Variants in PXDNL observed in about 807,000 individuals in gnomAD.
PXDNL encodes the protein probable oxidoreductase PXDNL.
A neutral mutation model predicts 150.8 loss-of-function variants in PXDNL; 145 were observed. The ratio of observed to expected loss-of-function variants is 0.96; its 90% CI spans 0.84 to 1.10. The LOEUF is 1.10. PXDNL is among the 50% of genes least tolerant of loss of function. The pLI is 0.00. For missense variants in PXDNL, 2,087 were observed against 1,873.9 expected (o/e 1.11, Z -2.10); for synonymous variants, 757 against 725.7 (o/e 1.04, Z -0.69).
At chr8:51,685,997 G>A (rs1360433705) in intron 1 of PXDNL, among the ~76,000 whole-genome samples, 1 of 152,170 alleles carries the variant, frequency 6.6e-6, no homozygotes, top group East Asian at 1.9e-4. Flanking sequence ...AATTTCAGAA[G>A]TTCTTCCCAT....
intron 1 of PXDNL, among the ~76,000 whole-genome samples, chr8:51,773,730 G>T (rs1035905558): frequency 6.6e-6 from 1 of 152,178 alleles, no homozygotes; most frequent in Admixed American, 6.5e-5. Flanking sequence ...TTAACATTCT[G>T]CTAAGAAACA....
intron 1 of PXDNL, among the ~76,000 whole-genome samples, chr8:51,765,784 A>G (rs1472624147): frequency 1.3e-5 from 2 of 150,762 alleles, no homozygotes; most frequent in Admixed American, 6.6e-5. Flanking sequence ...CTATTTCTCC[A>G]TTACTGCCTA....
In PXDNL at chr8:51,320,845, C is replaced by A; in HGVS notation, c.4199G>T (p.Gly1400Val). The A allele has an allele frequency of 6.2e-7, 1 of 1,613,978 alleles. No individual in the cohort carries two copies. The highest frequency in any genetic ancestry group is 8.5e-7 in the Non-Finnish European group (1 of 1,179,864). The change falls in exon 22 of 23, where the codon GGG becomes GTG. Residue 1400 changes from glycine (G) to valine (V), a missense_variant. Physicochemically the swap from Gly to Val is moderately radical, Grantham distance 109. Transcript: ENST00000356297. Reference protein sequence around the residue: ...LRQAGCTDVRGVPRKAEERWM... With the variant: ...LRQAGCTDVRVVPRKAEERWM... ...GCGCTCCTCGGCCTTCCTTGGAACC[C>A]CTCTAACATCTGTACACCCTGCCTG...
intron 1 of PXDNL, among the ~76,000 whole-genome samples, chr8:51,681,644 G>A (rs1240731172): frequency 6.6e-6 from 1 of 152,210 alleles, no homozygotes; most frequent in African/African-American, 2.4e-5. Flanking sequence ...CCAGCATATG[G>A]CCACGGACAA....
intron 4 of PXDNL, among the ~76,000 whole-genome samples, chr8:51,555,333 C>A (rs950536008): frequency 2.0e-5 from 3 of 152,164 alleles, no homozygotes; most frequent in African/African-American, 7.2e-5. Context: ...TTAATCTATT[C>A]ATTACCTTTC....
chr8:51,440,326 A>G (rs1037988887), intron 12 of PXDNL, among the ~76,000 whole-genome samples: 4 of 152,106 alleles, frequency 2.6e-5, no homozygotes, highest in Non-Finnish European at 4.4e-5. Flanking sequence ...ATTGGGTACA[A>G]TGTACACTGC....
At chr8:51,625,602 G>C (rs1585629618) in intron 2 of PXDNL, among the ~76,000 whole-genome samples, 1 of 152,116 alleles carries the variant, frequency 6.6e-6, no homozygotes, top group East Asian at 1.9e-4. Flanking sequence ...TGGTCTGGAG[G>C]GATAGCAGGA....
intron 4 of PXDNL, among the ~76,000 whole-genome samples, chr8:51,525,174 A>G (rs1485335119): frequency 6.6e-6 from 1 of 152,248 alleles, no homozygotes; most frequent in Non-Finnish European, 1.5e-5. Flanking sequence ...CACAACAGGA[A>G]AAGTGCAGGA....
At chr8:51,590,994 C>T (rs1171587331) in intron 3 of PXDNL, among the ~76,000 whole-genome samples, 1 of 152,146 alleles carries the variant, frequency 6.6e-6, no homozygotes, top group Non-Finnish European at 1.5e-5. Context: ...ATTTAATTGT[C>T]ACTGTGATGG....
intron 19 of PXDNL, among the ~76,000 whole-genome samples, chr8:51,359,534 T>C (rs1249906366): frequency 1.3e-5 from 2 of 148,674 alleles, no homozygotes; most frequent in African/African-American, 4.9e-5. Flanking sequence ...GTAGACCTAA[T>C]GCTCAAATAA....
At chr8:51,738,512 C>A (rs1221185688) in intron 1 of PXDNL, among the ~76,000 whole-genome samples, 1 of 152,008 alleles carries the variant, frequency 6.6e-6, no homozygotes, top group African/African-American at 2.4e-5. Context: ...CTTTCTAGGG[C>A]CTCCTCTTTA....
At chr8:51,439,899 C>G (rs925794338) in intron 12 of PXDNL, among the ~76,000 whole-genome samples, 2 of 151,556 alleles carry the variant, frequency 1.3e-5, no homozygotes, top group Non-Finnish European at 2.9e-5. Flanking sequence ...GATATTTACC[C>G]AGAGGAAAAG....
At chr8:51,655,777 G>A (rs1354842101) in intron 1 of PXDNL, among the ~76,000 whole-genome samples, 2 of 152,156 alleles carry the variant, frequency 1.3e-5, no homozygotes, top group Non-Finnish European at 2.9e-5. Context: ...GGGGTTCAGA[G>A]CTCTAAGGAA....
intron 2 of PXDNL, among the ~76,000 whole-genome samples, chr8:51,631,594 A>G (rs944345527): frequency 3.9e-5 from 6 of 152,190 alleles, no homozygotes; most frequent in Non-Finnish European, 8.8e-5. Context: ...CAGAGAAGTG[A>G]AAATATCCAG....
At chr8:51,333,610 C>T (rs1277245721) in intron 21 of PXDNL, among the ~76,000 whole-genome samples, 1 of 152,098 alleles carries the variant, frequency 6.6e-6, no homozygotes, top group South Asian at 2.1e-4. Context: ...AGACTCACCT[C>T]ACACATAAGG....
intron 17 of PXDNL, among the ~76,000 whole-genome samples, chr8:51,379,525 GT>G (rs1039739320): frequency 2.8e-4 from 42 of 149,830 alleles, no homozygotes; most frequent in East Asian, 9.8e-4. Context: ...TTTTAATTGG[GT>G]TTTTTTTTCT....
chr8:51,468,098 G>C (rs1256154186), intron 8 of PXDNL, among the ~76,000 whole-genome samples: 1 of 151,962 alleles, frequency 6.6e-6, no homozygotes, highest in African/African-American at 2.4e-5. Flanking sequence ...GATCAATCTT[G>C]ATAAGTGTTC....
At chr8:51,780,197 G>A (rs1469591451) in intron 1 of PXDNL, among the ~76,000 whole-genome samples, 1 of 151,812 alleles carries the variant, frequency 6.6e-6, no homozygotes, top group East Asian at 1.9e-4. Flanking sequence ...AGGCAATACA[G>A]TGAAACTCTG....
At chr8:51,574,754 C>T (rs1024713900) in intron 3 of PXDNL, among the ~76,000 whole-genome samples, 6 of 152,028 alleles carry the variant, frequency 3.9e-5, no homozygotes, top group Admixed American at 2.6e-4. Context: ...GGAATTGGTA[C>T]ATTTTTCCAG....
Sources: allele counts gnomAD v4.1 joint callset (sites outside exome capture counted in the v4.1 genomes callset), GRCh38; gene constraint gnomAD v4.1.1; transcripts MANE v1.5; gene names NCBI Gene and HGNC (gene_info 2026-07-23, HGNC 2026-07-21).